Variants in USP8 observed in about 807,000 individuals in gnomAD.
The protein encoded by USP8 is ubiquitin specific peptidase 8, also known as ubiquitin carboxyl-terminal hydrolase 8.
USP8 carries 27 observed loss-of-function variants against 130.0 expected under a neutral mutation model. The observed-to-expected ratio is 0.21, with a 90% CI of 0.15 to 0.29. The LOEUF (loss-of-function observed/expected upper bound fraction) is 0.29. USP8 is among the 10% of genes least tolerant of loss of function. The pLI is 1.00. For synonymous variants in USP8, 392 were observed against 444.1 expected, an observed-to-expected ratio of 0.88 and a Z score of 1.48; for missense variants, 1,029 against 1,312.2, an observed-to-expected ratio of 0.78 and a Z score of 3.33.
chr15:50,452,706 CT>C (rs1228583239), intron 4 of USP8, among the ~76,000 whole-genome samples: 1 of 152,202 alleles, frequency 6.6e-6, no homozygotes, highest in African/African-American at 2.4e-5. Context: ...GGGCAAATTA[CT>C]TAGCCTCCCT....
chr15:50,489,854 A>T lies in USP8; in HGVS notation c.1944A>T (p.Val648=). ...RARSEEMGRI[V]PGLPSGWAKF... ...GAAGTGAAGAAATGGGGAGGATCGTACCAGGACTGCCTTCAGGCTGGGCCA... is the reference window on the plus strand; with the variant it reads ...GAAGTGAAGAAATGGGGAGGATCGTTCCAGGACTGCCTTCAGGCTGGGCCA... Residue 648 remains valine (V), a synonymous_variant, in exon 13 of 20, where the codon GTA becomes GTT. Coordinates refer to ENST00000307179, the MANE Select transcript of USP8 (RefSeq NM_005154.5). 1 of 1,585,644 alleles carries T rather than the reference A, an allele frequency of 6.3e-7. No homozygotes were observed. Among genetic ancestry groups the T allele is most frequent in the Non-Finnish European group, 8.6e-7 (1 of 1,166,976 alleles).
intron 1 of USP8, among the ~76,000 whole-genome samples, chr15:50,435,087 T>C (rs2050056161): frequency 6.6e-6 from 1 of 152,220 alleles, no homozygotes; most frequent in Non-Finnish European, 1.5e-5. Context: ...GTAGCCAAAA[T>C]AAGGCAATTG....
In USP8 at chr15:50,462,337, A is replaced by G. The variant is rs531550036; in HGVS notation, c.541+15A>G. On this transcript the variant is annotated intron_variant, in intron 6 of 19. Transcript: ENST00000307179. ...CAAAGAGAAAGGTAAGTGTGTACAG[A>G]AGGAGGAAGTTGTTTTAGGTTCTGA... 8.2e-6 allele frequency: 13 copies of G among 1,591,964 alleles called. No homozygotes were observed. The South Asian group carries it at 1.3e-4, about 16-fold the overall frequency.
intron 1 of USP8, among the ~76,000 whole-genome samples, chr15:50,438,726 G>A (rs1012319387): frequency 3.3e-5 from 5 of 152,014 alleles, no homozygotes; most frequent in African/African-American, 2.4e-5. Context: ...ACATGTAAAC[G>A]CTTTGATTAT....
At chr15:50,449,741 C>G (rs2050558174) in intron 4 of USP8, among the ~76,000 whole-genome samples, 1 of 151,462 alleles carries the variant, frequency 6.6e-6, no homozygotes, top group Admixed American at 6.6e-5. Context: ...ACCACCACGC[C>G]CGGCTAATTT....
At chr15:50,429,377 T>A (rs1044006128) in intron 1 of USP8, among the ~76,000 whole-genome samples, 1 of 151,962 alleles carries the variant, frequency 6.6e-6, no homozygotes, top group African/African-American at 2.4e-5. Context: ...AATGATTTTT[T>A]AAAATTTTGG....
At chr15:50,425,993 C>T (rs2049702804) in intron 1 of USP8, among the ~76,000 whole-genome samples, 1 of 151,962 alleles carries the variant, frequency 6.6e-6, no homozygotes, top group African/African-American at 2.4e-5. Flanking sequence ...TGGTGGTGCA[C>T]GCCTGTAGTC....
intron 1 of USP8, among the ~76,000 whole-genome samples, chr15:50,434,337 A>G (rs1278879085): frequency 3.3e-5 from 5 of 151,668 alleles, no homozygotes; most frequent in Admixed American, 6.6e-5. Context: ...TCCCGACCTC[A>G]AGCAGTCCAC....
At chr15:50,467,371 T>C (rs1306645114) in intron 7 of USP8, among the ~76,000 whole-genome samples, 1 of 152,070 alleles carries the variant, frequency 6.6e-6, no homozygotes, top group Non-Finnish European at 1.5e-5. Flanking sequence ...ACTGAGAAAA[T>C]TATTCTCTTT....
rs146244906 is a variant in USP8, at chr15:50,510,337, A to C, written c.*11249A>C. The C allele has an allele frequency of 2.0e-5, 3 of 152,326 alleles. No individual in the cohort carries two copies. Among genetic ancestry groups the C allele is most frequent in the Non-Finnish European group, 4.4e-5 (3 of 68,032 alleles). The allele number at this position is 152,326 out of a possible 1,614,324, so 9.4% of individuals were successfully genotyped here. On this transcript the variant is annotated 3_prime_UTR_variant, in exon 20 of 20. Transcript: ENST00000307179. ...GGAAAGGATTTCTTAAATGAGACACAGAAAAGGACTAACTAGAAAAGATTG... is the reference window on the plus strand; with the variant it reads ...GGAAAGGATTTCTTAAATGAGACACCGAAAAGGACTAACTAGAAAAGATTG...
chr15:50,466,173 C>G (rs2051182430), intron 7 of USP8, among the ~76,000 whole-genome samples: 1 of 152,140 alleles, frequency 6.6e-6, no homozygotes, highest in African/African-American at 2.4e-5. Flanking sequence ...TATTACCTCT[C>G]TTGGTCTTGG....
In USP8 at chr15:50,489,772, T is replaced by C. The variant is rs774473923; in HGVS notation, c.1891-29T>C. 2.9e-6 allele frequency: 4 copies of C among 1,381,788 alleles called. No individual in the cohort carries two copies. In the African/African-American group the frequency reaches 6.1e-5, roughly 21 times the overall value. 85.6% of individuals were successfully genotyped at this position (1,381,788 alleles called of 1,614,324 possible). On this transcript the variant is annotated intron_variant, in intron 12 of 19. Coordinates refer to ENST00000307179, the MANE Select transcript of USP8 (RefSeq NM_005154.5). ...AAATCAGATTTAAAAAAAATTTTTT[T>C]TTAATTTTTTTTATTTTATTTTAAT...
At position 50,508,687 on chromosome 15, in the gene USP8, G is replaced by T. The variant is rs1047901946; in HGVS notation, c.*9599G>T. ...AAGATTTAAAAAAAGGTAAAAGTTG[G>T]TGTTTTAAGACAAAATAATTTGGAT... is the stretch of plus-strand genomic sequence containing the variant. On this transcript the variant is annotated 3_prime_UTR_variant, in exon 20 of 20. Transcript: ENST00000307179. 2.6e-5 allele frequency: 4 copies of T among 152,118 alleles called. No individual in the cohort carries two copies. The highest frequency in any genetic ancestry group is 9.7e-5 in the African/African-American group (4 of 41,430). 9.4% of individuals were successfully genotyped at this position (152,118 alleles called of 1,614,324 possible).
intron 3 of USP8, among the ~76,000 whole-genome samples, chr15:50,442,805 T>C (rs2050304177): frequency 6.6e-6 from 1 of 152,156 alleles, no homozygotes; most frequent in East Asian, 1.9e-4. Flanking sequence ...TAGAGGTTCA[T>C]TAAACAAAAG....
At chr15:50,461,514 G>T (rs1056720217) in intron 5 of USP8, among the ~76,000 whole-genome samples, 2 of 147,168 alleles carry the variant, frequency 1.4e-5, no homozygotes, top group African/African-American at 2.5e-5. Context: ...TGGATAAAAT[G>T]AGTTAGTACC....
At chr15:50,494,903 T>C (rs1010423843) in intron 16 of USP8, among the ~76,000 whole-genome samples, 2 of 151,776 alleles carry the variant, frequency 1.3e-5, no homozygotes, top group African/African-American at 4.8e-5. Context: ...TAATCCCAGC[T>C]ACTCAGGTGG....
At chr15:50,434,355 A>G (rs886754749) in intron 1 of USP8, among the ~76,000 whole-genome samples, 2 of 151,116 alleles carry the variant, frequency 1.3e-5, no homozygotes, top group Non-Finnish European at 3.0e-5. Context: ...CACCTGCCTC[A>G]GCCTCCCGAA....
intron 16 of USP8, among the ~76,000 whole-genome samples, chr15:50,495,366 A>C (rs1162265654): frequency 1.3e-5 from 2 of 151,130 alleles, no homozygotes; most frequent in Non-Finnish European, 2.9e-5. Flanking sequence ...ATATAGAGAG[A>C]GAGAGGCTAG....
intron 4 of USP8, among the ~76,000 whole-genome samples, chr15:50,457,348 A>G (rs993005407): frequency 6.6e-6 from 1 of 152,120 alleles, no homozygotes; most frequent in African/African-American, 2.4e-5. Context: ...ACCTGAGGTC[A>G]GGAGTTCGAG....
Sources: allele counts gnomAD v4.1 joint callset (sites outside exome capture counted in the v4.1 genomes callset), GRCh38; gene constraint gnomAD v4.1.1; transcripts MANE v1.5; gene names NCBI Gene and HGNC (gene_info 2026-07-23, HGNC 2026-07-21).